Variants in DNAH5 observed in about 807,000 individuals in gnomAD.
DNAH5 encodes the protein dynein axonemal heavy chain 5, also known as axonemal beta dynein heavy chain 5.
A neutral mutation model predicts 518.2 loss-of-function variants in DNAH5; 372 were observed. The observed-to-expected ratio is 0.72, with a 90% confidence interval of 0.66 to 0.78. DNAH5 has a LOEUF of 0.78. Ranked by LOEUF, DNAH5 falls within the 30% of genes least tolerant of loss-of-function variation. DNAH5 has a pLI of 0.00. For missense variants in DNAH5, 5,523 were observed against 5,687.0 expected (o/e 0.97, Z 0.93); for synonymous variants, 2,039 against 2,025.9 (o/e 1.01, Z -0.17).
At chr5:13,800,566 T>C (rs553164949) in intron 47 of DNAH5, among the ~76,000 whole-genome samples, 2 of 152,272 alleles carry the variant, frequency 1.3e-5, no homozygotes, top group South Asian at 2.1e-4. Flanking sequence ...TAGGCCCCCA[T>C]TCCATTATGT....
chr5:13,820,652 G>A (rs868539135), intron 40 of DNAH5, among the ~76,000 whole-genome samples, 153 bp from the exon 41 acceptor site: 1 of 151,808 alleles, frequency 6.6e-6, no homozygotes, highest in Non-Finnish European at 1.5e-5. Flanking sequence ...GTGAAACCCC[G>A]TCTCTACTAA....
At chr5:13,733,588 T>C (rs1301736356) in intron 68 of DNAH5, among the ~76,000 whole-genome samples, 1 of 152,180 alleles carries the variant, frequency 6.6e-6, no homozygotes, top group East Asian at 1.9e-4. Context: ...CAAATATAGC[T>C]AAAGAGTAAG....
chr5:13,845,405 T>C (rs918998829), intron 31 of DNAH5, among the ~76,000 whole-genome samples: 2 of 151,982 alleles, frequency 1.3e-5, no homozygotes, highest in East Asian at 3.9e-4. Flanking sequence ...AGCCCAGCAC[T>C]GTGCCATCTA....
intron 69 of DNAH5, among the ~76,000 whole-genome samples, chr5:13,728,937 G>T (rs532043781): frequency 1.3e-5 from 2 of 152,134 alleles, no homozygotes; most frequent in East Asian, 3.9e-4. Flanking sequence ...AAAGATAAGA[G>T]GCCAAGTGTT....
Position 13,753,082 on chromosome 5 carries a change from A to G in DNAH5, c.10872+151T>C, listed in dbSNP as rs10037900. On this transcript the variant is annotated intron_variant, in intron 63 of 78. Coordinates refer to ENST00000265104, the MANE Select transcript of DNAH5 (RefSeq NM_001369.3). Reference sequence around the variant, plus strand: ...AATGAAAGTTTTAGAAAATATTTTTATATTAGATTTAAGCTTGCATCTGCT... The same window carrying G: ...AATGAAAGTTTTAGAAAATATTTTTGTATTAGATTTAAGCTTGCATCTGCT... 6.9e-3 allele frequency: 4,309 copies of G among 622,046 alleles called. 122 individuals carry two copies. The African/African-American group carries it at 0.072, about 10-fold the overall frequency. The allele number at this position is 622,046 out of a possible 1,614,324, so 38.5% of individuals were successfully genotyped here.
intron 47 of DNAH5, among the ~76,000 whole-genome samples, chr5:13,795,035 G>A (rs987650541): frequency 2.0e-5 from 3 of 152,092 alleles, no homozygotes; most frequent in Admixed American, 2.0e-4. Context: ...GAAAGAACTG[G>A]GACACATTTA....
At position 13,691,742 on chromosome 5, in the gene DNAH5, T is replaced by C. The variant is rs1740716707; in HGVS notation, c.*242A>G. ...TGTGGATTTGAGGGCCACACTTCAT[T>C]AGGATGCTGTAAATTTACTTTTATA... On this transcript the variant is annotated 3_prime_UTR_variant, in exon 79 of 79. Coordinates refer to ENST00000265104, the MANE Select transcript of DNAH5 (RefSeq NM_001369.3). The C allele has an allele frequency of 5.8e-6, 3 of 515,434 alleles. No individual in the cohort carries two copies. Among genetic ancestry groups the C allele is most frequent in the African/African-American group, 3.9e-5 (2 of 51,938 alleles). 31.9% of individuals were successfully genotyped at this position (515,434 alleles called of 1,614,324 possible).
intron 47 of DNAH5, among the ~76,000 whole-genome samples, chr5:13,799,477 G>A (rs1325062229): frequency 4.6e-5 from 7 of 152,054 alleles, no homozygotes; most frequent in Non-Finnish European, 1.0e-4. Context: ...TTTTTGAAAT[G>A]ATAGGAAATC....
chr5:13,809,194 G>A lies in DNAH5; in HGVS notation c.7610-8C>T, dbSNP rs748798656. On this transcript the variant is annotated splice_polypyrimidine_tract_variant and splice_region_variant and intron_variant, in intron 45 of 78. Transcript: ENST00000265104. ...TCCAGTGCGTCCATGTACCTAAGGTGAGCAGAGGACATTTCCATCTCCATA... is the reference window on the plus strand; with the variant it reads ...TCCAGTGCGTCCATGTACCTAAGGTAAGCAGAGGACATTTCCATCTCCATA... 3.7e-6 allele frequency: 6 copies of A among 1,613,982 alleles called. No homozygotes were observed. Among genetic ancestry groups the A allele is most frequent in the Non-Finnish European group, 5.1e-6 (6 of 1,179,930 alleles).
chr5:13,927,015 A>AT (rs1356245327), intron 3 of DNAH5, among the ~76,000 whole-genome samples: 2 of 152,226 alleles, frequency 1.3e-5, no homozygotes, highest in African/African-American at 4.8e-5. Flanking sequence ...TAGTCTTACT[A>AT]TATGCCAAGA....
intron 1 of DNAH5, among the ~76,000 whole-genome samples, chr5:13,931,765 AT>A (rs1560960471): frequency 6.6e-6 from 1 of 152,204 alleles, no homozygotes; most frequent in Non-Finnish European, 1.5e-5. Flanking sequence ...AATGTAACCA[AT>A]GTTGGCAGTT....
intron 15 of DNAH5, chr5:13,897,996 C>G (rs921577609): frequency 6.6e-6 from 1 of 152,220 alleles, no homozygotes; most frequent in South Asian, 2.1e-4. Flanking sequence ...TAGCCAGAGG[C>G]CTCCATACTG....
rs955768429 is a variant in DNAH5, at chr5:13,714,407, C to T, written c.13123G>A (p.Glu4375Lys). ...TTGTCAGGATTTCATCAACTCACTTCAAAGGGGACATAGTCTGGGGGCAGC... is the reference window on the plus strand; with the variant it reads ...TTGTCAGGATTTCATCAACTCACTTTAAAGGGGACATAGTCTGGGGGCAGC... The part of the protein sequence containing the change: ...EKLPPDYVPF[E>K]VKERLQKMGP... The change falls in exon 75 of 79, where the codon GAA becomes AAA. Residue 4375 changes from glutamate to lysine, a missense_variant and splice_region_variant. This residue lies in a region of DNAH5 where 387 missense variants were observed against 430.0 expected (regional missense o/e 0.90). Coordinates refer to ENST00000265104, the MANE Select transcript of DNAH5 (RefSeq NM_001369.3). 3.1e-6 allele frequency: 5 copies of T among 1,614,018 alleles called. No individual in the cohort carries two copies. The African/African-American group carries it at 6.7e-5, about 22-fold the overall frequency.
intron 35 of DNAH5, among the ~76,000 whole-genome samples, chr5:13,837,980 G>A (rs745933393): frequency 9.2e-5 from 14 of 152,034 alleles, no homozygotes; most frequent in Admixed American, 3.9e-4. Context: ...GATTACAAGC[G>A]TGAGCGAGCC....
intron 65 of DNAH5, among the ~76,000 whole-genome samples, chr5:13,745,871 C>T (rs1348857840): frequency 6.6e-6 from 1 of 152,002 alleles, no homozygotes; most frequent in South Asian, 2.1e-4. Flanking sequence ...TTTATAATCA[C>T]CCAAGAAGTG....
chr5:13,944,744 T>C (rs1253514458), upstream of DNAH5, among the ~76,000 whole-genome samples: 2 of 152,236 alleles, frequency 1.3e-5, no homozygotes, highest in African/African-American at 4.8e-5. Flanking sequence ...ATCATGTTTA[T>C]CAAGCAATCA....
chr5:13,928,702 G>A (rs1475490520), intron 2 of DNAH5, among the ~76,000 whole-genome samples: 1 of 152,188 alleles, frequency 6.6e-6, no homozygotes, highest in Non-Finnish European at 1.5e-5. Context: ...AAGTCTACAA[G>A]TCTAACAAAT....
chr5:13,772,964 T>C (rs1753551628), intron 55 of DNAH5, among the ~76,000 whole-genome samples: 1 of 152,158 alleles, frequency 6.6e-6, no homozygotes, highest in Non-Finnish European at 1.5e-5. Flanking sequence ...AACACTGAAA[T>C]CCCTAAGTGT....
Position 13,891,013 on chromosome 5 carries a change from T to C in DNAH5, c.2540A>G (p.Glu847Gly). Reference sequence around the variant, plus strand: ...GAGAAACTCTTCACAGGTTAGTGGCTCCTCCTGGGGAAGCTGACAAAGAGG... The same window carrying C: ...GAGAAACTCTTCACAGGTTAGTGGCCCCTCCTGGGGAAGCTGACAAAGAGG... ...STPLCQLPQE[E>G]PLTCEEFLQM... Residue 847 changes from glutamate (E) to glycine (G), a missense_variant, in exon 17 of 79, where the codon GAG (glutamate) becomes GGG (glycine). This residue lies in a region of DNAH5 where 5,121 missense variants were observed against 5,223.3 expected (regional missense o/e 0.98). Transcript: ENST00000265104. The C allele has an allele frequency of 6.2e-7, 1 of 1,614,160 alleles. No homozygotes were observed. Among genetic ancestry groups the C allele is most frequent in the Non-Finnish European group, 8.5e-7 (1 of 1,180,004 alleles).
Sources: gnomAD v4.1 joint callset for allele counts (sites outside exome capture counted in the v4.1 genomes callset) on GRCh38, gnomAD v4.1.1 for gene constraint, gnomAD v4.1.1 regional missense constraint, MANE v1.5 for transcripts, NCBI Gene and HGNC (gene_info 2026-07-23, HGNC 2026-07-21) for gene names.